The following MARK3 variants were observed in gnomAD, a reference collection of about 807,000 sequenced individuals.
MARK3 encodes microtubule affinity regulating kinase 3, also known as MAP/microtubule affinity-regulating kinase 3.
MARK3 carries 46 observed loss-of-function variants against 90.1 expected under a neutral mutation model. That is an observed-to-expected ratio of 0.51 (90% CI 0.40 to 0.65). MARK3 has a LOEUF of 0.65. MARK3 is among the 30% of genes least tolerant of loss of function. The probability of loss-of-function intolerance (pLI) is 0.00; values close to 1 mark genes in which losing one functional copy is unlikely to be tolerated. For synonymous variants in MARK3, 321 were observed against 332.6 expected, an observed-to-expected ratio of 0.97 and a Z score of 0.38; for missense variants, 818 against 947.2, an observed-to-expected ratio of 0.86 and a Z score of 1.79.
chr14:103,418,977 G>A (rs2092083963), intron 2 of MARK3, among the ~76,000 whole-genome samples: 1 of 152,126 alleles, frequency 6.6e-6, no homozygotes, highest in Non-Finnish European at 1.5e-5. Context: ...AAACGTTTCT[G>A]TCTCAGAACT....
rs148384811 is a variant in MARK3, at chr14:103,486,181, A to G, written c.1587-5596A>G. ...GTGCCAGGCACAGTGCCTCACACCT[A>G]TAATCCCAGCACTTTGGGAGGCCGA... On this transcript the variant is annotated intron_variant, in intron 14 of 17. Coordinates refer to ENST00000429436, the MANE Select transcript of MARK3 (RefSeq NM_001128918.3). Among the ~76,000 whole-genome samples, 667 of 152,126 alleles carry G rather than the reference A, an allele frequency of 4.4e-3. 3 individuals are homozygous for G. The highest frequency in any genetic ancestry group is 7.2e-3 in the Non-Finnish European group (492 of 67,972).
Position 103,468,314 on chromosome 14 carries a change from C to CTTTTT in MARK3, c.1264+152_1264+156dup, listed in dbSNP as rs759932678. ...CTTGGCATTGCTTTCTTTCTTTCTT[C>CTTTTT]TTTTTTTTTTTTTTTTTTTTTTTTT... On this transcript the variant is annotated intron_variant, in intron 12 of 17. Transcript: ENST00000429436. 138 of 116,154 alleles carry CTTTTT rather than the reference C, an allele frequency of 1.2e-3. 9 individuals are homozygous for CTTTTT. Among genetic ancestry groups the CTTTTT allele is most frequent in the African/African-American group, 7.2e-3 (126 of 17,576 alleles). The allele number at this position is 116,154 out of a possible 1,614,324, so 7.2% of individuals were successfully genotyped here.
chr14:103,420,537 T>G (rs1653315798), intron 2 of MARK3, among the ~76,000 whole-genome samples: 1 of 152,096 alleles, frequency 6.6e-6, no homozygotes, highest in Non-Finnish European at 1.5e-5. Flanking sequence ...GGCCAACACT[T>G]TTTTTGTGTG....
rs571611660 is a variant in MARK3, at chr14:103,460,073, C to CTTTTTTTTTTTT, written c.484-2312_484-2301dup. 3.6e-3 allele frequency among the ~76,000 whole-genome samples: 151 copies of CTTTTTTTTTTTT among 41,720 alleles called. 44 individuals are homozygous for CTTTTTTTTTTTT. The highest frequency in any genetic ancestry group is 7.9e-3 in the South Asian group (4 of 504). The allele number at this position is 41,720 out of a possible 152,430, so 27.4% of individuals were successfully genotyped here. On this transcript the variant is annotated intron_variant, in intron 6 of 17. Coordinates refer to ENST00000429436, the MANE Select transcript of MARK3 (RefSeq NM_001128918.3). ...AAAAAGAATAGATTTCCAGCTCCAT[C>CTTTTTTTTTTTT]TTTTTTTTTTTTTTTTTTTTTTTTT...
At chr14:103,433,002 T>C (rs371728054) in intron 3 of MARK3, among the ~76,000 whole-genome samples, 3 of 152,192 alleles carry the variant, frequency 2.0e-5, no homozygotes, top group East Asian at 1.9e-4. Context: ...GTCAGGTTAC[T>C]TCACACTACA....
At position 103,385,924 on chromosome 14, in the gene MARK3, C is replaced by A. The variant is rs2089748887; in HGVS notation, c.-106C>A. The A allele has an allele frequency of 1.1e-6, 1 of 880,092 alleles. No homozygotes were observed. The highest frequency in any genetic ancestry group is 1.9e-6 in the Non-Finnish European group (1 of 519,622). The allele number at this position is 880,092 out of a possible 1,614,324, so 54.5% of individuals were successfully genotyped here. On this transcript the variant is annotated 5_prime_UTR_variant, in exon 1 of 18. Coordinates refer to ENST00000429436, the MANE Select transcript of MARK3 (RefSeq NM_001128918.3). ...GGGAAGGGAGCCGCCCTCCCCACGGCGCCTTTTCGGAACTGCCGTGGACTC... is the reference window on the plus strand; with the variant it reads ...GGGAAGGGAGCCGCCCTCCCCACGGAGCCTTTTCGGAACTGCCGTGGACTC...
intron 3 of MARK3, among the ~76,000 whole-genome samples, chr14:103,437,372 C>T (rs372548546): frequency 4.0e-5 from 6 of 151,400 alleles, no homozygotes; most frequent in African/African-American, 1.2e-4. Flanking sequence ...CCATCCTGGG[C>T]GACAGAGTGA....
At chr14:103,458,660 A>G in intron 6 of MARK3, 1 of 631,406 alleles carries the variant, frequency 1.6e-6, no homozygotes, top group South Asian at 1.8e-5. Flanking sequence ...CACAAGGCCT[A>G]CATTGAAATG....
intron 2 of MARK3, among the ~76,000 whole-genome samples, chr14:103,413,497 C>G (rs575705950): frequency 6.7e-6 from 1 of 150,320 alleles, no homozygotes; most frequent in Admixed American, 6.6e-5. Context: ...GATCTCGGCT[C>G]ACTGCAAGCT....
At chr14:103,415,151 A>C (rs72708860) in intron 2 of MARK3, among the ~76,000 whole-genome samples, 165 of 20,616 alleles carry the variant, frequency 8.0e-3, no homozygotes, top group Middle Eastern at 0.038. Flanking sequence ...ACCTTGTCTC[A>C]AAAAAAAAAA....
Position 103,410,617 on chromosome 14 carries a change from A to T in MARK3, c.243+5350A>T, listed in dbSNP as rs111989148. 1.4e-3 allele frequency among the ~76,000 whole-genome samples: 206 copies of T among 152,262 alleles called. 1 individual carries two copies. The highest frequency in any genetic ancestry group is 4.7e-3 in the African/African-American group (197 of 41,550). On this transcript the variant is annotated intron_variant, in intron 2 of 17. Transcript: ENST00000429436. ...TTGGGAGGCCAAGGCAAGGAGGATC[A>T]CTTGAGCCCAGGAGTACAAGACTGC...
At chr14:103,450,459 T>C (rs977779921) in intron 4 of MARK3, among the ~76,000 whole-genome samples, 6 of 152,230 alleles carry the variant, frequency 3.9e-5, no homozygotes, top group African/African-American at 2.4e-5. Flanking sequence ...TACTTAAAAC[T>C]TGACATATCT....
At chr14:103,418,606 C>T in intron 2 of MARK3, among the ~76,000 whole-genome samples, 1 of 152,270 alleles carries the variant, frequency 6.6e-6, no homozygotes, top group Admixed American at 6.5e-5. Context: ...GCCTTTTCAT[C>T]TGTTGCTTCA....
chr14:103,448,888 GA>G (rs58490269), intron 3 of MARK3, 30 bp from the exon 4 acceptor site: 491,090 of 1,516,380 alleles, frequency 0.32, 86,937 homozygotes, highest in Admixed American at 0.36. Flanking sequence ...GTGTTGGGGG[GA>G]TTATGTGTTT....
At position 103,405,174 on chromosome 14, in the gene MARK3, A is replaced by C; in HGVS notation, c.150A>C (p.Gln50His). 3.1e-6 allele frequency: 5 copies of C among 1,599,764 alleles called. No homozygotes were observed. The highest frequency in any genetic ancestry group is 4.3e-6 in the Non-Finnish European group (5 of 1,176,278). Residue 50 changes from glutamine to histidine, a missense_variant, in exon 2 of 18, where the codon CAA becomes CAC. Physicochemically the swap from Gln to His is conservative, Grantham distance 24. Transcript: ENST00000429436. Reference protein sequence around the residue: ...RNSIASCADEQPHIGNYRLLK... With the variant: ...RNSIASCADEHPHIGNYRLLK... ...CTATAGCCTCCTGTGCAGATGAACA[A>C]CCTCACATCGGAAACTACAGACTGT...
chr14:103,393,023 GC>G (rs1450204446), intron 1 of MARK3, among the ~76,000 whole-genome samples: 2 of 151,546 alleles, frequency 1.3e-5, no homozygotes, highest in Non-Finnish European at 2.9e-5. Flanking sequence ...CACTCTTGTT[GC>G]CCGGGCTGGA....
At chr14:103,474,154 G>A (rs1433191728) in intron 12 of MARK3, among the ~76,000 whole-genome samples, 3 of 152,062 alleles carry the variant, frequency 2.0e-5, no homozygotes, top group Non-Finnish European at 2.9e-5. Flanking sequence ...ACAGTGAGCC[G>A]CGATTGCGCC....
intron 14 of MARK3, among the ~76,000 whole-genome samples, chr14:103,483,475 G>A (rs2093863949): frequency 6.6e-6 from 1 of 152,046 alleles, no homozygotes; most frequent in Non-Finnish European, 1.5e-5. Flanking sequence ...TATTTTAAAG[G>A]CTTACTAAAT....
chr14:103,395,891 G>A (rs1447007085), intron 1 of MARK3, among the ~76,000 whole-genome samples: 1 of 152,144 alleles, frequency 6.6e-6, no homozygotes, highest in African/African-American at 2.4e-5. Flanking sequence ...GCATTTGGAT[G>A]GATCTTGAAT....
Sources: allele counts gnomAD v4.1 joint callset (sites outside exome capture counted in the v4.1 genomes callset), GRCh38; gene constraint gnomAD v4.1.1; transcripts MANE v1.5; gene names NCBI Gene and HGNC (gene_info 2026-07-23, HGNC 2026-07-21).